Variants in DCC observed in about 807,000 individuals in gnomAD.
DCC encodes the protein netrin receptor DCC.
DCC carries 58 observed loss-of-function variants against 172.5 expected under a neutral mutation model. The ratio of observed to expected loss-of-function variants is 0.34; its 90% CI spans 0.27 to 0.42. The LOEUF (loss-of-function observed/expected upper bound fraction) is 0.42. Ranked by LOEUF, DCC falls within the 10% of genes least tolerant of loss-of-function variation. The probability of loss-of-function intolerance (pLI) is 1.00; values close to 1 mark genes in which losing one functional copy is unlikely to be tolerated. For synonymous variants in DCC, 709 were observed against 644.5 expected, an observed-to-expected ratio of 1.10 and a Z score of -1.52; for missense variants, 1,740 against 1,791.0, an observed-to-expected ratio of 0.97 and a Z score of 0.51.
rs762444049 is a variant in DCC, at chr18:52,925,244, T to C, written c.859T>C (p.Tyr287His). ...CCCTATGTCTTGCAGGTCTAAAAAG[T>C]ATTCTTTATTGGGTGGAAGCAACTT... is the stretch of plus-strand genomic sequence containing the variant. ...EEVIQLRSKK[Y>H]SLLGGSNLLI... The change falls in exon 5 of 29, where the codon TAT becomes CAT. Residue 287 changes from tyrosine to histidine, a missense_variant. This residue lies in a region of DCC where 1,732 missense variants were observed against 1,767.4 expected (regional missense o/e 0.98). Coordinates refer to ENST00000442544, the MANE Select transcript of DCC (RefSeq NM_005215.4). 3 of 1,612,220 alleles carry C rather than the reference T, an allele frequency of 1.9e-6. No individual in the cohort carries two copies. In the South Asian group the frequency reaches 3.3e-5, roughly 18 times the overall value.
chr18:52,985,187 TTCTC>T (rs1483157799), intron 5 of DCC, among the ~76,000 whole-genome samples: 1 of 152,132 alleles, frequency 6.6e-6, no homozygotes, highest in Admixed American at 6.6e-5. Flanking sequence ...CTTACTGTTT[TTCTC>T]TCTGTCTGCT....
intron 12 of DCC, among the ~76,000 whole-genome samples, chr18:53,262,937 A>G (rs2056623124): frequency 6.6e-6 from 1 of 152,184 alleles, no homozygotes; most frequent in African/African-American, 2.4e-5. Flanking sequence ...GTGATTTTGT[A>G]AACAACTTTA....
intron 1 of DCC, among the ~76,000 whole-genome samples, chr18:52,362,116 T>C (rs1223160208): frequency 1.3e-5 from 2 of 152,252 alleles, no homozygotes; most frequent in Non-Finnish European, 2.9e-5. Flanking sequence ...TGCTAACTCA[T>C]ATACACCAAA....
intron 2 of DCC, among the ~76,000 whole-genome samples, chr18:52,845,921 T>C (rs1262326832): frequency 8.0e-6 from 1 of 125,292 alleles, no homozygotes; most frequent in African/African-American, 2.8e-5. Context: ...GTTTGTTGTT[T>C]CTGATTGATT....
chr18:52,483,009 C>G (rs60804004), intron 1 of DCC, among the ~76,000 whole-genome samples: 9,325 of 152,062 alleles, frequency 0.061, 355 homozygotes, highest in East Asian at 0.083. Context: ...GTATGCTCTC[C>G]CTCGAAGGCT....
At position 53,226,948 on chromosome 18, in the gene DCC, A is replaced by ATATATATATATTTTTTTTTTTTT; in HGVS notation, c.1911+11352_1911+11353insATATATATATTTTTTTTTTTTTT. Among the ~76,000 whole-genome samples the ATATATATATATTTTTTTTTTTTT allele has an allele frequency of 2.3e-4, 12 of 52,950 alleles. 1 individual carries two copies. Among genetic ancestry groups the ATATATATATATTTTTTTTTTTTT allele is most frequent in the African/African-American group, 5.7e-4 (6 of 10,616 alleles). 34.7% of individuals were successfully genotyped at this position (52,950 alleles called of 152,430 possible). A position where few individuals can be genotyped will look rare whatever the true frequency, so the allele number is the denominator to read the frequency against. ...TGTGTGTGTGTGTATATATATATATATTTTTTTTTTTTTTTTTTTGAGGCA... is the reference window on the plus strand; with the variant it reads ...TGTGTGTGTGTGTATATATATATATATATATATATATTTTTTTTTTTTTTTTTTTTTTTTTTTTTTTTGAGGCA... On this transcript the variant is annotated intron_variant, in intron 12 of 28. Coordinates refer to ENST00000442544, the MANE Select transcript of DCC (RefSeq NM_005215.4).
chr18:52,783,345 TTTTTTTTTTTTTTTTTA>T, intron 2 of DCC, among the ~76,000 whole-genome samples: 1 of 118,704 alleles, frequency 8.4e-6, no homozygotes, highest in Non-Finnish European at 1.9e-5. Context: ...TTTTTTTTTT[TTTTTTTTTTTTTTTTTA>T]CAACACAAAG....
chr18:53,201,866 A>C (rs1433174347), intron 9 of DCC, among the ~76,000 whole-genome samples: 1 of 152,124 alleles, frequency 6.6e-6, no homozygotes, highest in African/African-American at 2.4e-5. Flanking sequence ...TGAAAATACA[A>C]CTCTCTAGGA....
intron 8 of DCC, among the ~76,000 whole-genome samples, chr18:53,174,920 A>G (rs1241366118): frequency 6.6e-6 from 1 of 152,244 alleles, no homozygotes; most frequent in African/African-American, 2.4e-5. Context: ...TGATGCAAAA[A>G]TCCTCAGTAA....
chr18:52,881,188 A>T (rs2039480302), intron 2 of DCC, among the ~76,000 whole-genome samples: 1 of 152,112 alleles, frequency 6.6e-6, no homozygotes, highest in Admixed American at 6.6e-5. Flanking sequence ...TCTTTTGACC[A>T]TTTAAAAACA....
chr18:52,882,869 TATC>T (rs947081442), intron 2 of DCC, among the ~76,000 whole-genome samples: 3 of 152,122 alleles, frequency 2.0e-5, no homozygotes, highest in African/African-American at 7.2e-5. Flanking sequence ...GTCCAGCTGT[TATC>T]ATATTGGTGT....
chr18:52,447,604 T>G (rs558785518), intron 1 of DCC, among the ~76,000 whole-genome samples: 1 of 152,218 alleles, frequency 6.6e-6, no homozygotes, highest in African/African-American at 2.4e-5. Context: ...TACCTGAGAC[T>G]GGGTAATTTA....
intron 14 of DCC, among the ~76,000 whole-genome samples, chr18:53,336,307 C>T (rs2057590511): frequency 6.6e-6 from 1 of 152,084 alleles, no homozygotes; most frequent in African/African-American, 2.4e-5. Flanking sequence ...TAGTTCATTC[C>T]AGTAGTAACC....
At chr18:52,869,934 G>A (rs1395989299) in intron 2 of DCC, among the ~76,000 whole-genome samples, 1 of 152,198 alleles carries the variant, frequency 6.6e-6, no homozygotes, top group Non-Finnish European at 1.5e-5. Context: ...CCTGGGTCCT[G>A]CGACAGGGAG....
At chr18:53,061,686 G>A (rs2042497973) in intron 5 of DCC, among the ~76,000 whole-genome samples, 1 of 152,088 alleles carries the variant, frequency 6.6e-6, no homozygotes, top group Non-Finnish European at 1.5e-5. Flanking sequence ...AATCACTTTA[G>A]TACATAGGCA....
chr18:52,804,590 CG>C (rs2038053792), intron 2 of DCC, among the ~76,000 whole-genome samples: 1 of 152,110 alleles, frequency 6.6e-6, no homozygotes, highest in Non-Finnish European at 1.5e-5. Context: ...GTTTTTGAGA[CG>C]GAGTCTTGCT....
At chr18:52,620,001 C>T (rs977671355) in intron 1 of DCC, among the ~76,000 whole-genome samples, 2 of 152,138 alleles carry the variant, frequency 1.3e-5, no homozygotes, top group Admixed American at 1.3e-4. Context: ...TTGTCACTAC[C>T]CACTAGACTT....
chr18:52,820,066 A>G (rs1286843954), intron 2 of DCC, among the ~76,000 whole-genome samples: 1 of 152,214 alleles, frequency 6.6e-6, no homozygotes, highest in East Asian at 1.9e-4. Context: ...AGTGAGCATG[A>G]TTGTTGGGTA....
At chr18:53,135,574 C>A (rs905757079) in intron 7 of DCC, among the ~76,000 whole-genome samples, 2 of 152,072 alleles carry the variant, frequency 1.3e-5, no homozygotes, top group African/African-American at 4.8e-5. Context: ...GGTACAGTTA[C>A]GAATATTGCC....
Sources: gnomAD v4.1 joint callset for allele counts (sites outside exome capture counted in the v4.1 genomes callset) on GRCh38, gnomAD v4.1.1 for gene constraint, gnomAD v4.1.1 regional missense constraint, MANE v1.5 for transcripts, NCBI Gene and HGNC (gene_info 2026-07-23, HGNC 2026-07-21) for gene names.